Variants in ZMYM1 observed in about 807,000 individuals in gnomAD.
The protein encoded by ZMYM1 is zinc finger MYM-type protein 1.
In ZMYM1, 39 loss-of-function variants were observed where a neutral mutation model predicts 60.0. That is an observed-to-expected ratio of 0.65 (90% CI 0.50 to 0.85). The LOEUF (loss-of-function observed/expected upper bound fraction) is 0.85, where lower values mean the gene tolerates loss of function less well. Ranked by LOEUF, ZMYM1 falls within the 40% of genes least tolerant of loss-of-function variation. ZMYM1 has a pLI of 0.00. For missense variants in ZMYM1, 1,171 were observed against 1,309.5 expected (o/e 0.89, Z 1.63); for synonymous variants, 413 against 454.0 (o/e 0.91, Z 1.15).
rs34080777 is a variant in ZMYM1 at position 35,064,686 on chromosome 1, CTT to C, written c.-301+4782_-301+4783del. ...CATATGGAAATTAAACAATATATTT[CTT>C]TTTTTTTTTTTTTTTTTTTTGAGAC... is the stretch of plus-strand genomic sequence containing the variant. On this transcript the variant is annotated intron_variant, in intron 1 of 10. Transcript: ENST00000417119. 5.5e-3 allele frequency among the ~76,000 whole-genome samples: 621 copies of C among 112,956 alleles called. 2 individuals carry two copies. Among genetic ancestry groups the C allele is most frequent in the African/African-American group, 0.021 (533 of 25,092 alleles). The allele number at this position is 112,956 out of a possible 152,430, so 74.1% of individuals were successfully genotyped here.
chr1:35,103,538 C>G (rs1297348497), intron 4 of ZMYM1, among the ~76,000 whole-genome samples: 1 of 152,198 alleles, frequency 6.6e-6, no homozygotes, highest in Admixed American at 6.5e-5. Flanking sequence ...ACACAATGTG[C>G]TTATTCATTC....
At chr1:35,077,139 T>A (rs1238899433), upstream of ZMYM1, among the ~76,000 whole-genome samples, 1 of 152,068 alleles carries the variant, frequency 6.6e-6, no homozygotes, top group South Asian at 2.1e-4. Context: ...CTGGGGGTGG[T>A]TGGAATATCA....
chr1:35,108,831 C>T (rs1643987812), intron 6 of ZMYM1, among the ~76,000 whole-genome samples: 2 of 151,798 alleles, frequency 1.3e-5, no homozygotes, highest in Admixed American at 1.3e-4. Context: ...CTGCCTCAGC[C>T]TCCCATGTAG....
At chr1:35,099,832 C>T (rs1438880078) in intron 4 of ZMYM1, among the ~76,000 whole-genome samples, 3 of 151,766 alleles carry the variant, frequency 2.0e-5, no homozygotes, top group Admixed American at 1.3e-4. Flanking sequence ...CCCAAAGTGC[C>T]GGGATTACAG....
At chr1:35,088,041 CAG>C (rs937644781) in intron 1 of ZMYM1, among the ~76,000 whole-genome samples, 1 of 151,954 alleles carries the variant, frequency 6.6e-6, no homozygotes, top group East Asian at 2.0e-4. Context: ...GCCTGGGTGA[CAG>C]AGAGAGATTC....
At chr1:35,100,994 G>A (rs542977836) in intron 4 of ZMYM1, among the ~76,000 whole-genome samples, 1 of 151,834 alleles carries the variant, frequency 6.6e-6, no homozygotes, top group Admixed American at 6.6e-5. Context: ...TTGTAGAGAT[G>A]ATTTCACCAT....
chr1:35,061,855 A>G (rs1268010026), intron 1 of ZMYM1, among the ~76,000 whole-genome samples: 3 of 112,874 alleles, frequency 2.7e-5, no homozygotes, highest in Non-Finnish European at 4.7e-5. Flanking sequence ...TTTGAGATGG[A>G]GTCTCACTCT....
At chr1:35,083,912 C>G (rs1642521917) in intron 1 of ZMYM1, among the ~76,000 whole-genome samples, 1 of 152,214 alleles carries the variant, frequency 6.6e-6, no homozygotes, top group East Asian at 1.9e-4. Flanking sequence ...GCCACCTTGC[C>G]TGGTATTTTC....
intron 1 of ZMYM1, among the ~76,000 whole-genome samples, chr1:35,060,143 GTTATTATTATTATTA>G (rs144363831): frequency 4.2e-5 from 6 of 144,098 alleles, no homozygotes; most frequent in Non-Finnish European, 6.0e-5. Flanking sequence ...ACTATTTGTT[GTTATTATTATTATTA>G]TTATTATTAT....
At chr1:35,088,444 ATATATATATATGTGTGTG>A (rs1339495440) in intron 1 of ZMYM1, among the ~76,000 whole-genome samples, 5 of 113,838 alleles carry the variant, frequency 4.4e-5, no homozygotes, top group African/African-American at 1.8e-4. Flanking sequence ...GTATATATAT[ATATATATATATGTGTGTG>A]TGTGTGTGTG....
At chr1:35,095,937 A>G (rs1250124533) in intron 3 of ZMYM1, 46 bp downstream of exon 3, 5 of 1,358,830 alleles carry the variant, frequency 3.7e-6, no homozygotes, top group Non-Finnish European at 3.1e-6. Flanking sequence ...GACCAATACG[A>G]CAGCTGATTC....
At chr1:35,082,545 G>A (rs1290935523) in intron 1 of ZMYM1, among the ~76,000 whole-genome samples, 1 of 150,974 alleles carries the variant, frequency 6.6e-6, no homozygotes, top group Admixed American at 6.6e-5. Flanking sequence ...TGGCCAGGCT[G>A]GTCACGAACT....
chr1:35,087,739 A>G (rs1213964755), intron 1 of ZMYM1, among the ~76,000 whole-genome samples: 3 of 151,494 alleles, frequency 2.0e-5, no homozygotes, highest in African/African-American at 7.3e-5. Flanking sequence ...CGAAACTTGC[A>G]GTTTCTTTGT....
intron 4 of ZMYM1, 136 bp from the exon 5 acceptor site, chr1:35,104,159 G>A (rs1467871679): frequency 2.7e-6 from 2 of 743,968 alleles, no homozygotes; most frequent in East Asian, 2.7e-5. Flanking sequence ...AAATGTGACA[G>A]AACTGGGTAC....
chr1:35,064,455 C>G lies in ZMYM1; in HGVS notation c.-301+4530C>G, dbSNP rs1641933317. On this transcript the variant is annotated intron_variant, in intron 1 of 10. Transcript: ENST00000417119. ...ATTGAATAACATCAAACAATTGGAT[C>G]TAATTTACATTTATAGGACACTCCA... 2.0e-5 allele frequency among the ~76,000 whole-genome samples: 3 copies of G among 151,952 alleles called. No homozygotes were observed. The South Asian group carries it at 6.2e-4, about 32-fold the overall frequency.
intron 1 of ZMYM1, among the ~76,000 whole-genome samples, chr1:35,090,454 G>A (rs1201943403): frequency 6.6e-6 from 1 of 152,158 alleles, no homozygotes; most frequent in Non-Finnish European, 1.5e-5. Context: ...GTTGATGGGT[G>A]CAGCAAACCA....
chr1:35,081,223 AAT>A (rs1479164511), intron 1 of ZMYM1, among the ~76,000 whole-genome samples: 1 of 152,198 alleles, frequency 6.6e-6, no homozygotes, highest in African/African-American at 2.4e-5. Context: ...GGCCGAATAA[AAT>A]AAATCTTAGC....
chr1:35,077,143 A>T (rs1483338010), upstream of ZMYM1, among the ~76,000 whole-genome samples: 1 of 152,062 alleles, frequency 6.6e-6, no homozygotes, highest in African/African-American at 2.4e-5. Context: ...GGGTGGTTGG[A>T]ATATCACATC....
At position 35,111,602 on chromosome 1, in the gene ZMYM1, C is replaced by T. The variant is rs144146130; in HGVS notation, c.962-170C>T. On this transcript the variant is annotated intron_variant, in intron 7 of 9. Transcript: ENST00000359858. ...CAGTGTAATGTTGTAATTATAAATA[C>T]GATACTAAAGAACCTGGCTATTCCT... Among the ~76,000 whole-genome samples, 475 of 152,188 alleles carry T rather than the reference C, an allele frequency of 3.1e-3. 4 individuals are homozygous for T. The highest frequency in any genetic ancestry group is 0.011 in the African/African-American group (444 of 41,534).
Sources: allele counts gnomAD v4.1 joint callset (sites outside exome capture counted in the v4.1 genomes callset), GRCh38; gene constraint gnomAD v4.1.1; transcripts MANE v1.5; gene names NCBI Gene and HGNC (gene_info 2026-07-23, HGNC 2026-07-21).